KCNQ1: variants seen among roughly 807,000 people sequenced by gnomAD.
The protein encoded by KCNQ1 is potassium voltage-gated channel subfamily Q member 1.
In KCNQ1, 49 loss-of-function variants were observed where a neutral mutation model predicts 72.4. The ratio of observed to expected loss-of-function variants is 0.68; its 90% CI spans 0.54 to 0.86. The LOEUF is 0.86. Ranked by LOEUF, KCNQ1 falls within the 40% of genes least tolerant of loss-of-function variation. The pLI is 0.00. For missense variants in KCNQ1, 790 were observed against 945.1 expected, an observed-to-expected ratio of 0.84 and a Z score of 2.15; for synonymous variants, 450 against 412.6, an observed-to-expected ratio of 1.09 and a Z score of -1.10.
At position 2,613,976 on chromosome 11, in the gene KCNQ1, A is replaced by C. The variant is rs1849020576; in HGVS notation, c.1393+25122A>C. The C allele has an allele frequency of 2.5e-6, 1 of 398,624 alleles. No individual in the cohort carries two copies. The allele number at this position is 398,624 out of a possible 1,614,324, so 24.7% of individuals were successfully genotyped here. On this transcript the variant is annotated intron_variant, in intron 10 of 15. Transcript: ENST00000155840. This position sits in a 1 kb window ranked among gnomAD's most constrained non-coding sequence, Gnocchi z 4.8. ...CAACATCTCCTAGAAATCACTCAAC[A>C]TCCATTCACAGAGATCTTTCTCATT...
In KCNQ1 at chr11:2,656,927, A is replaced by C. The variant is rs532229513; in HGVS notation, c.1394-5034A>C. On this transcript the variant is annotated intron_variant, in intron 10 of 15. Transcript: ENST00000155840. The stretch of plus-strand genomic sequence containing the variant: ...TGTGAGGTAATTAAGGGTCCAACTT[A>C]ATGTTTTTCCAGTGTGGGTATCCAA... 5.5e-5 allele frequency: 22 copies of C among 398,606 alleles called. No individual in the cohort carries two copies. The Admixed American group carries it at 9.7e-4, about 18-fold the overall frequency. The allele number at this position is 398,606 out of a possible 1,614,324, so 24.7% of individuals were successfully genotyped here.
chr11:2,685,092 A>G (rs1465564606), intron 11 of KCNQ1: 1 of 398,648 alleles, frequency 2.5e-6, no homozygotes, highest in Non-Finnish European at 4.4e-6. Context: ...GATTCCAGGG[A>G]AGGGGCCCTT....
Position 2,482,439 on chromosome 11 carries a change from A to G in KCNQ1, c.386+36955A>G, listed in dbSNP as rs1346018288. Among the ~76,000 whole-genome samples, 3 of 152,172 alleles carry G rather than the reference A, an allele frequency of 2.0e-5. No individual in the cohort carries two copies. The highest frequency in any genetic ancestry group is 4.4e-5 in the Non-Finnish European group (3 of 68,034). ...GGTTATTTCCTAATTGACTGCTGTA[A>G]ATAGCATTGTGATGCAAATCCTTGT... On this transcript the variant is annotated intron_variant, in intron 1 of 15. Transcript: ENST00000155840. This position sits in a 1 kb window ranked among gnomAD's most constrained non-coding sequence, Gnocchi z 5.7.
At chr11:2,618,041 G>T (rs1589984323) in intron 10 of KCNQ1, 1 of 398,246 alleles carries the variant, frequency 2.5e-6, no homozygotes, top group Non-Finnish European at 4.4e-6. Flanking sequence ...TAGTTTGATG[G>T]TATACCAATT....
At chr11:2,847,147 T>C (rs1848347453) in intron 15 of KCNQ1, among the ~76,000 whole-genome samples, 1 of 150,436 alleles carries the variant, frequency 6.6e-6, no homozygotes, top group African/African-American at 2.4e-5. Context: ...ACAAGCCCTG[T>C]GCCCTGCAAG....
chr11:2,686,006 T>G, intron 11 of KCNQ1: 1 of 397,780 alleles, frequency 2.5e-6, no homozygotes, highest in Non-Finnish European at 4.4e-6. Context: ...CCAAGAAGAG[T>G]CAGGGGGGCT....
intron 15 of KCNQ1, among the ~76,000 whole-genome samples, chr11:2,846,984 G>A (rs570854829): frequency 6.6e-6 from 1 of 152,342 alleles, no homozygotes; most frequent in East Asian, 1.9e-4. Flanking sequence ...CAGAGGGCAC[G>A]CTCTAGGGCA....
In KCNQ1 at chr11:2,691,351, A is replaced by G. The variant is rs1850584704; in HGVS notation, c.1514+29270A>G. ...TCCACTGCACTTACAGTGACCACCCATCCTGACATCTTGGGCTCAGGCCTC... is the reference window on the plus strand; with the variant it reads ...TCCACTGCACTTACAGTGACCACCCGTCCTGACATCTTGGGCTCAGGCCTC... On this transcript the variant is annotated intron_variant, in intron 11 of 15. Coordinates refer to ENST00000155840, the MANE Select transcript of KCNQ1 (RefSeq NM_000218.3). This position sits in a 1 kb window ranked among gnomAD's most constrained non-coding sequence, Gnocchi z 6.4. 1 of 398,518 alleles carries G rather than the reference A, an allele frequency of 2.5e-6. No individual in the cohort carries two copies. The highest frequency in any genetic ancestry group is 2.1e-5 in the African/African-American group (1 of 48,630). The allele number at this position is 398,518 out of a possible 1,614,324, so 24.7% of individuals were successfully genotyped here. A position where few individuals can be genotyped will look rare whatever the true frequency, so the allele number is the denominator to read the frequency against.
At chr11:2,525,889 A>G (rs2133644864) in intron 1 of KCNQ1, among the ~76,000 whole-genome samples, 1 of 152,346 alleles carries the variant, frequency 6.6e-6, no homozygotes, top group East Asian at 1.9e-4. Flanking sequence ...CATGGACTGC[A>G]GCCCACAGCC....
intron 11 of KCNQ1, among the ~76,000 whole-genome samples, chr11:2,705,595 G>A (rs915674819): frequency 8.5e-5 from 13 of 152,180 alleles, no homozygotes; most frequent in Non-Finnish European, 1.5e-4. Flanking sequence ...CTCGGGGTGT[G>A]TGCCCCCCTT....
rs993669164 is a variant in KCNQ1 at position 2,828,132 on chromosome 11, G to A, written c.1795-19635G>A. ...GCCGGGACTCAGAGGAGGCAGCCAC[G>A]TGCAGAAAGGCACCCATGGGAACAT... On this transcript the variant is annotated intron_variant, in intron 15 of 15. Coordinates refer to ENST00000155840, the MANE Select transcript of KCNQ1 (RefSeq NM_000218.3). The surrounding 1 kb of genome is among the most constrained non-coding windows in gnomAD (Gnocchi z 5.3). 2.0e-4 allele frequency among the ~76,000 whole-genome samples: 31 copies of A among 152,334 alleles called. No individual in the cohort carries two copies. Among genetic ancestry groups the A allele is most frequent in the African/African-American group, 6.7e-4 (28 of 41,576 alleles).
rs901406545 is a variant in KCNQ1 at position 2,447,487 on chromosome 11, G to A, written c.386+2003G>A. Reference sequence around the variant, plus strand: ...GGGACTGGAGGTGGACCCTGACTGGGCAGGACATGTGGCTTGGTGGGGGCC... The same window carrying A: ...GGGACTGGAGGTGGACCCTGACTGGACAGGACATGTGGCTTGGTGGGGGCC... On this transcript the variant is annotated intron_variant, in intron 1 of 15. Transcript: ENST00000155840. This position sits in a 1 kb window ranked among gnomAD's most constrained non-coding sequence, Gnocchi z 7.6. Among the ~76,000 whole-genome samples, 23 of 152,222 alleles carry A rather than the reference G, an allele frequency of 1.5e-4. No individual in the cohort carries two copies. Among genetic ancestry groups the A allele is most frequent in the Non-Finnish European group, 2.6e-4 (18 of 67,998 alleles).
chr11:2,525,977 A>G (rs1253758433), intron 1 of KCNQ1, among the ~76,000 whole-genome samples: 4 of 152,076 alleles, frequency 2.6e-5, no homozygotes, highest in Non-Finnish European at 4.4e-5. Context: ...TATAAAGGAC[A>G]CAGTTGGGGT....
At chr11:2,524,296 C>T (rs1847456160) in intron 1 of KCNQ1, among the ~76,000 whole-genome samples, 1 of 152,134 alleles carries the variant, frequency 6.6e-6, no homozygotes, top group Admixed American at 6.5e-5. Flanking sequence ...TCAAAGGGGC[C>T]CAGGGCCCAG....
chr11:2,743,260 T>C (rs1422936679), intron 11 of KCNQ1, among the ~76,000 whole-genome samples: 2 of 152,060 alleles, frequency 1.3e-5, no homozygotes, highest in African/African-American at 4.8e-5. Context: ...TCCGAGGGTC[T>C]TCAAGGCCCT....
At position 2,661,346 on chromosome 11, in the gene KCNQ1, T is replaced by C; in HGVS notation, c.1394-615T>C. On this transcript the variant is annotated intron_variant, in intron 10 of 15. Coordinates refer to ENST00000155840, the MANE Select transcript of KCNQ1 (RefSeq NM_000218.3). This position sits in a 1 kb window ranked among gnomAD's most constrained non-coding sequence, Gnocchi z 5.9. ...AGGATCAGTATCCTGAGCTCCTGTG[T>C]CAAAGTTGCAGAGGTGGGCCCAGGA... The C allele has an allele frequency of 2.5e-6, 1 of 405,026 alleles. No homozygotes were observed. Among genetic ancestry groups the C allele is most frequent in the Non-Finnish European group, 4.4e-6 (1 of 229,438 alleles). The allele number at this position is 405,026 out of a possible 1,614,324, so 25.1% of individuals were successfully genotyped here. A position where few individuals can be genotyped will look rare whatever the true frequency, so the allele number is the denominator to read the frequency against.
At chr11:2,580,521 G>A (rs1230978962) in intron 6 of KCNQ1, among the ~76,000 whole-genome samples, 2 of 152,180 alleles carry the variant, frequency 1.3e-5, no homozygotes, top group African/African-American at 2.4e-5. Context: ...CCAGAGGACG[G>A]GGATCCCCAC....
chr11:2,454,623 G>A (rs1463592929), intron 1 of KCNQ1, among the ~76,000 whole-genome samples: 1 of 152,026 alleles, frequency 6.6e-6, no homozygotes, highest in East Asian at 1.9e-4. Flanking sequence ...CAAGAATGGA[G>A]GTTTTACAAA....
rs1302395471 is a variant in KCNQ1, at chr11:2,734,746, G to C, written c.1515-34098G>C. Among the ~76,000 whole-genome samples the C allele has an allele frequency of 6.6e-6, 1 of 151,900 alleles. No individual in the cohort carries two copies. Among genetic ancestry groups the C allele is most frequent in the African/African-American group, 2.4e-5 (1 of 41,310 alleles). ...CCTGGAAGCTGCTATGTAGACAGAA[G>C]CGAGGGCAAGACCACCGCTCCTCCG... On this transcript the variant is annotated intron_variant, in intron 11 of 15. Coordinates refer to ENST00000155840, the MANE Select transcript of KCNQ1 (RefSeq NM_000218.3). This position sits in a 1 kb window ranked among gnomAD's most constrained non-coding sequence, Gnocchi z 7.0.
Sources: allele counts gnomAD v4.1 joint callset (sites outside exome capture counted in the v4.1 genomes callset), GRCh38; gene constraint gnomAD v4.1.1; non-coding constraint Gnocchi (gnomAD v3.1); transcripts MANE v1.5; gene names NCBI Gene and HGNC (gene_info 2026-07-23, HGNC 2026-07-21).